The following LIPA variants were observed in gnomAD, a reference collection of about 807,000 sequenced individuals.
LIPA encodes lipase A, lysosomal acid type, also known as lysosomal acid lipase/cholesteryl ester hydrolase.
In LIPA, 26 loss-of-function variants were observed where a neutral mutation model predicts 40.6. That is an observed-to-expected ratio of 0.64 (90% CI 0.47 to 0.89). The LOEUF is 0.89. Ranked by LOEUF, LIPA falls within the 40% of genes least tolerant of loss-of-function variation. The pLI is 0.00. For missense variants in LIPA, 455 were observed against 479.6 expected, an observed-to-expected ratio of 0.95 and a Z score of 0.48; for synonymous variants, 188 against 168.4, an observed-to-expected ratio of 1.12 and a Z score of -0.90.
At chr10:89,259,329 G>T (rs1414479533) in intron 1 of LIPA, among the ~76,000 whole-genome samples, 1 of 152,162 alleles carries the variant, frequency 6.6e-6, no homozygotes, top group Non-Finnish European at 1.5e-5. Context: ...CATGTGAAAA[G>T]ATGTTCAACA....
intron 1 of LIPA, among the ~76,000 whole-genome samples, chr10:89,290,777 G>T (rs1389354889): frequency 1.3e-5 from 2 of 152,002 alleles, no homozygotes; most frequent in Non-Finnish European, 2.9e-5. Flanking sequence ...AAACGGCCCC[G>T]GCCCTATCTC....
chr10:89,305,310 C>T (rs1350739181), intron 1 of LIPA, among the ~76,000 whole-genome samples: 1 of 151,512 alleles, frequency 6.6e-6, no homozygotes, highest in Non-Finnish European at 1.5e-5. Flanking sequence ...TAAACCAATA[C>T]AAAATAAAAC....
intron 2 of LIPA, among the ~76,000 whole-genome samples, chr10:89,395,590 C>G (rs551337293): frequency 1.3e-5 from 2 of 152,266 alleles, no homozygotes; most frequent in Non-Finnish European, 2.9e-5. Flanking sequence ...AAACTAAACA[C>G]AGGTCAGGCA....
At position 89,215,999 on chromosome 10, in the gene LIPA, A is replaced by G; in HGVS notation, c.905T>C (p.Phe302Ser). Residue 302 changes from phenylalanine (F) to serine (S), a missense_variant, in exon 9 of 10, where the codon TTC (phenylalanine) becomes TCC (serine). Transcript: ENST00000336233. ...CCAGTCAAAGGCTTGAAACTTTTGG[A>G]ATTTAACAGCCTAAAAAGAAGATAA... ...NMLHWSQAVKFQKFQAFDWGS... is the reference protein window; with the variant it reads ...NMLHWSQAVKSQKFQAFDWGS... 1 of 1,606,604 alleles carries G rather than the reference A, an allele frequency of 6.2e-7. No individual in the cohort carries two copies. The highest frequency in any genetic ancestry group is 8.5e-7 in the Non-Finnish European group (1 of 1,173,152).
At chr10:89,385,680 C>T (rs1223519004) in intron 2 of LIPA, among the ~76,000 whole-genome samples, 1 of 152,124 alleles carries the variant, frequency 6.6e-6, no homozygotes, top group Non-Finnish European at 1.5e-5. Context: ...TTCCCAAGGC[C>T]CTACTGTAGC....
intron 2 of LIPA, among the ~76,000 whole-genome samples, chr10:89,398,575 C>G (rs532291339): frequency 6.6e-6 from 1 of 152,324 alleles, no homozygotes; most frequent in Admixed American, 6.5e-5. Flanking sequence ...ATTTTACTTT[C>G]TGTCTTTATG....
Position 89,364,618 on chromosome 10 carries a change from C to T in LIPA, c.61+48173G>A, listed in dbSNP as rs138733522. Among the ~76,000 whole-genome samples the T allele has an allele frequency of 3.8e-3, 573 of 150,232 alleles. 1 individual carries two copies. The highest frequency in any genetic ancestry group is 4.6e-3 in the Non-Finnish European group (313 of 67,684). On this transcript the variant is annotated intron_variant, in intron 2 of 8. Transcript: ENST00000371837. ...TAAGAAAGTTCTCAGTCCTTGAAAGCGAAATAGTTCTAAAGTATTCATATA... is the reference window on the plus strand; with the variant it reads ...TAAGAAAGTTCTCAGTCCTTGAAAGTGAAATAGTTCTAAAGTATTCATATA...
At chr10:89,372,622 T>C (rs776762021) in intron 2 of LIPA, among the ~76,000 whole-genome samples, 1 of 152,244 alleles carries the variant, frequency 6.6e-6, no homozygotes, top group Non-Finnish European at 1.5e-5. Flanking sequence ...GCTTGCTGAT[T>C]ATAGAAATGG....
chr10:89,229,768 AG>A (rs1554866356), intron 3 of LIPA, among the ~76,000 whole-genome samples: 2 of 150,588 alleles, frequency 1.3e-5, no homozygotes, highest in South Asian at 4.2e-4. Context: ...AAAAAAAAAA[AG>A]GGAACCCTAA....
chr10:89,352,413 AT>A (rs1403875621), intron 2 of LIPA, among the ~76,000 whole-genome samples: 2 of 152,176 alleles, frequency 1.3e-5, no homozygotes, highest in Non-Finnish European at 2.9e-5. Context: ...ACGAGGCTCA[AT>A]TGCACATGTG....
At chr10:89,290,012 CTG>C (rs1195350916) in intron 1 of LIPA, among the ~76,000 whole-genome samples, 8 of 151,204 alleles carry the variant, frequency 5.3e-5, no homozygotes, top group African/African-American at 9.8e-5. Context: ...GGGGGGGACT[CTG>C]TATATTTTCA....
At chr10:89,273,935 C>CACTACTTTT (rs1454456248) in intron 1 of LIPA, among the ~76,000 whole-genome samples, 1 of 152,166 alleles carries the variant, frequency 6.6e-6, no homozygotes, top group Non-Finnish European at 1.5e-5. Flanking sequence ...ACTGCTTTTA[C>CACTACTTTT]ACTACTTTTA....
chr10:89,264,162 G>C (rs752989693), intron 1 of LIPA, among the ~76,000 whole-genome samples: 49 of 152,202 alleles, frequency 3.2e-4, no homozygotes, highest in African/African-American at 1.2e-3. Context: ...GCAAGCAGGG[G>C]GGGTGGTAGG....
At chr10:89,302,673 AC>A (rs757339588) in intron 1 of LIPA, among the ~76,000 whole-genome samples, 5 of 152,142 alleles carry the variant, frequency 3.3e-5, no homozygotes, top group Non-Finnish European at 5.9e-5. Context: ...AAATATTTTC[AC>A]CCCAAAATGC....
intron 1 of LIPA, among the ~76,000 whole-genome samples, chr10:89,265,974 A>G (rs1382870034): frequency 6.6e-6 from 1 of 152,228 alleles, no homozygotes; most frequent in Non-Finnish European, 1.5e-5. Context: ...TGCAATCAAA[A>G]TGCATGTGTA....
At chr10:89,306,440 G>A in intron 1 of LIPA, 1 of 1,614,120 alleles carries the variant, frequency 6.2e-7, no homozygotes, top group Non-Finnish European at 8.5e-7. Context: ...GGTGTGCTTT[G>A]AGAAGGCTCT....
At chr10:89,260,798 C>T (rs925282062) in intron 1 of LIPA, among the ~76,000 whole-genome samples, 1 of 152,110 alleles carries the variant, frequency 6.6e-6, no homozygotes, top group Non-Finnish European at 1.5e-5. Flanking sequence ...TAAACATGTC[C>T]CATTCTGTTT....
At chr10:89,331,778 G>A (rs1843654290) in intron 1 of LIPA, among the ~76,000 whole-genome samples, 1 of 149,898 alleles carries the variant, frequency 6.7e-6, no homozygotes, top group Non-Finnish European at 1.5e-5. Context: ...AGGATCGCTT[G>A]AGCCTGGGAG....
chr10:89,285,990 G>A (rs773790176), intron 1 of LIPA, among the ~76,000 whole-genome samples: 14 of 151,618 alleles, frequency 9.2e-5, no homozygotes, highest in East Asian at 1.9e-4. Context: ...ACTCACACCC[G>A]ACTTAAAACC....
Sources: allele counts gnomAD v4.1 joint callset (sites outside exome capture counted in the v4.1 genomes callset), GRCh38; gene constraint gnomAD v4.1.1; transcripts MANE v1.5; gene names NCBI Gene and HGNC (gene_info 2026-07-23, HGNC 2026-07-21).